The following CNTNAP4 variants were observed in gnomAD, a reference collection of about 807,000 sequenced individuals.
The protein encoded by CNTNAP4 is contactin-associated protein-like 4.
CNTNAP4 carries 98 observed loss-of-function variants against 148.4 expected under a neutral mutation model. The ratio of observed to expected loss-of-function variants is 0.66; its 90% CI spans 0.56 to 0.78. CNTNAP4 has a LOEUF of 0.78. Among genes scored for constraint, CNTNAP4 ranks in the 30% least tolerant of loss-of-function variants. The pLI is 0.00. For synonymous variants in CNTNAP4, 730 were observed against 565.1 expected, an observed-to-expected ratio of 1.29 and a Z score of -4.14; for missense variants, 1,935 against 1,565.6, an observed-to-expected ratio of 1.24 and a Z score of -3.98.
intron 1 of CNTNAP4, among the ~76,000 whole-genome samples, chr16:76,305,958 G>C (rs999690713): frequency 6.6e-6 from 1 of 152,120 alleles, no homozygotes; most frequent in Admixed American, 6.6e-5. Context: ...ATGGCTTCCA[G>C]CTTCATCTGT....
At chr16:76,427,622 C>A (rs9927638) in intron 4 of CNTNAP4, 23 bp downstream of exon 4, 682,483 of 1,585,364 alleles carry the variant, frequency 0.43, 149,925 homozygotes, top group Non-Finnish European at 0.45. Context: ...TTATCCAATA[C>A]ACTGACATAG....
chr16:76,535,406 C>A, intron 17 of CNTNAP4, 139 bp from the exon 18 acceptor site: 1 of 806,534 alleles, frequency 1.2e-6, no homozygotes, highest in Non-Finnish European at 1.9e-6. Flanking sequence ...CTATATTTGA[C>A]CATGAATTGT....
chr16:76,455,572 T>A (rs1393665559), intron 8 of CNTNAP4, among the ~76,000 whole-genome samples: 1 of 152,176 alleles, frequency 6.6e-6, no homozygotes, highest in African/African-American at 2.4e-5. Flanking sequence ...TCCACCAAAG[T>A]GATGGGTACC....
At chr16:76,524,495 C>T (rs1029227497) in intron 17 of CNTNAP4, among the ~76,000 whole-genome samples, 2 of 152,086 alleles carry the variant, frequency 1.3e-5, no homozygotes, top group Admixed American at 6.6e-5. Flanking sequence ...CTGTGGATGA[C>T]CTTTCATTCT....
chr16:76,438,739 T>C (rs975890133), intron 4 of CNTNAP4, among the ~76,000 whole-genome samples: 17 of 152,030 alleles, frequency 1.1e-4, no homozygotes, highest in African/African-American at 3.6e-4. Flanking sequence ...CTCTCCCTTT[T>C]CCCACTTCCT....
intron 15 of CNTNAP4, among the ~76,000 whole-genome samples, chr16:76,519,130 A>G (rs1052235842): frequency 6.6e-6 from 1 of 152,100 alleles, no homozygotes; most frequent in Non-Finnish European, 1.5e-5. Context: ...TGCTTTCTTT[A>G]TAATTGTTTT....
At chr16:76,436,828 T>C (rs1220130646) in intron 4 of CNTNAP4, among the ~76,000 whole-genome samples, 1 of 151,994 alleles carries the variant, frequency 6.6e-6, no homozygotes, top group Non-Finnish European at 1.5e-5. Context: ...CATTTTTGGG[T>C]CTAATCATAT....
intron 15 of CNTNAP4, among the ~76,000 whole-genome samples, chr16:76,499,269 T>C (rs1421454209): frequency 2.0e-5 from 3 of 151,992 alleles, no homozygotes; most frequent in African/African-American, 4.8e-5. Context: ...ATCTTCAGAG[T>C]AGACACATTT....
intron 4 of CNTNAP4, among the ~76,000 whole-genome samples, chr16:76,430,928 C>T (rs1291628341): frequency 6.6e-6 from 1 of 152,116 alleles, no homozygotes; most frequent in Admixed American, 6.5e-5. Context: ...AGCCTTTAAC[C>T]ATTTATTGGT....
chr16:76,363,508 A>C (rs557859691), intron 3 of CNTNAP4, among the ~76,000 whole-genome samples: 112 of 152,284 alleles, frequency 7.4e-4, no homozygotes, highest in Non-Finnish European at 1.3e-3. Flanking sequence ...TGGGTTAAAG[A>C]CTTAAATGGA....
chr16:76,500,839 T>A (rs1370560611), intron 15 of CNTNAP4, among the ~76,000 whole-genome samples: 1 of 151,886 alleles, frequency 6.6e-6, no homozygotes, highest in Non-Finnish European at 1.5e-5. Context: ...TATAGATTGT[T>A]AACCTCTCTG....
At chr16:76,318,118 C>T (rs1031640034) in intron 2 of CNTNAP4, among the ~76,000 whole-genome samples, 2 of 152,114 alleles carry the variant, frequency 1.3e-5, no homozygotes, top group African/African-American at 4.8e-5. Flanking sequence ...ACCTATGGAC[C>T]CACCAGCAGG....
chr16:76,307,333 A>G (rs1052557983), intron 1 of CNTNAP4, among the ~76,000 whole-genome samples: 2 of 151,730 alleles, frequency 1.3e-5, no homozygotes, highest in African/African-American at 4.8e-5. Context: ...AACTACTACA[A>G]TTTGTTCACT....
At chr16:76,327,061 A>C (rs1184597963) in intron 2 of CNTNAP4, among the ~76,000 whole-genome samples, 2 of 152,184 alleles carry the variant, frequency 1.3e-5, no homozygotes, top group Non-Finnish European at 2.9e-5. Context: ...TTCTTTTCCA[A>C]CATTTATCTT....
chr16:76,306,144 A>G (rs935178390), intron 1 of CNTNAP4, among the ~76,000 whole-genome samples: 2 of 152,204 alleles, frequency 1.3e-5, no homozygotes, highest in African/African-American at 4.8e-5. Flanking sequence ...TCTTTTTGGT[A>G]TAAAGGTCTA....
intron 2 of CNTNAP4, among the ~76,000 whole-genome samples, chr16:76,340,751 A>G (rs1031282847): frequency 2.0e-5 from 3 of 152,174 alleles, no homozygotes; most frequent in Admixed American, 6.5e-5. Context: ...GTAGAACATT[A>G]TATTTATTCA....
At chr16:76,529,467 T>G (rs1331065501) in intron 17 of CNTNAP4, among the ~76,000 whole-genome samples, 1 of 152,216 alleles carries the variant, frequency 6.6e-6, no homozygotes, top group Non-Finnish European at 1.5e-5. Flanking sequence ...GAATCAATCA[T>G]TTTTAAAGCT....
chr16:76,439,502 A>G (rs1568174478), intron 4 of CNTNAP4, among the ~76,000 whole-genome samples: 1 of 152,174 alleles, frequency 6.6e-6, no homozygotes. Flanking sequence ...TGACATTGCA[A>G]AAGTTGCAAA....
intron 17 of CNTNAP4, among the ~76,000 whole-genome samples, chr16:76,532,368 C>A (rs553618515): frequency 1.8e-4 from 28 of 152,160 alleles, no homozygotes; most frequent in Non-Finnish European, 2.8e-4. Context: ...GTGGACCAAT[C>A]TTTGAAATTC....
Sources: allele counts gnomAD v4.1 joint callset (sites outside exome capture counted in the v4.1 genomes callset), GRCh38; gene constraint gnomAD v4.1.1; transcripts MANE v1.5; gene names NCBI Gene and HGNC (gene_info 2026-07-23, HGNC 2026-07-21).